The following TM9SF4 variants were observed in gnomAD, a reference collection of about 807,000 sequenced individuals.
The protein encoded by TM9SF4 is transmembrane 9 superfamily member 4, also known as dinucleotide oxidase disulfide thiol exchanger 3 superfamily member 4.
In TM9SF4, 26 loss-of-function variants were observed where a neutral mutation model predicts 90.4. That is an observed-to-expected ratio of 0.29 (90% confidence interval 0.21 to 0.40). TM9SF4 has a LOEUF of 0.40. Ranked by LOEUF, TM9SF4 falls within the 10% of genes least tolerant of loss-of-function variation. The probability of loss-of-function intolerance (pLI) is 1.00; values close to 1 mark genes in which losing one functional copy is unlikely to be tolerated. For synonymous variants in TM9SF4, 293 were observed against 315.4 expected (o/e 0.93, Z 0.75); for missense variants, 549 against 834.8 (o/e 0.66, Z 4.22).
At chr20:32,129,507 A>G (rs950523600) in intron 1 of TM9SF4, among the ~76,000 whole-genome samples, 1 of 151,836 alleles carries the variant, frequency 6.6e-6, no homozygotes, top group East Asian at 1.9e-4. Flanking sequence ...AAAGAAAAAC[A>G]TGTCATCACT....
chr20:32,121,935 C>G (rs1273289091), intron 1 of TM9SF4, among the ~76,000 whole-genome samples: 2 of 141,102 alleles, frequency 1.4e-5, no homozygotes, highest in Non-Finnish European at 1.6e-5. Context: ...GGGGGCTGAC[C>G]CCCCCCAGCT....
At chr20:32,141,694 C>G in intron 4 of TM9SF4, 29 bp downstream of exon 4, 1 of 1,613,462 alleles carries the variant, frequency 6.2e-7, no homozygotes, top group Non-Finnish European at 8.5e-7. Flanking sequence ...CTTGCTGCCT[C>G]AGGCTCACAC....
In TM9SF4 at chr20:32,145,103, A is replaced by T. The variant is rs765698735; in HGVS notation, c.665A>T (p.Asp222Val). The T allele has an allele frequency of 6.2e-7, 1 of 1,614,106 alleles. No individual in the cohort carries two copies. Among genetic ancestry groups the T allele is most frequent in the African/African-American group, 1.3e-5 (1 of 75,046 alleles). ...GTGTCTCTCTCAGACCTCAAAGCAG[A>T]TGAGAAGAGTTCGTGCACTCTGCCT... The part of the protein sequence containing the change: ...QSIRLEDLKA[D>V]EKSSCTLPEG... Residue 222 changes from aspartate to valine, a missense_variant, in exon 7 of 18, where the codon GAT becomes GTT. Coordinates refer to ENST00000398022, the MANE Select transcript of TM9SF4 (RefSeq NM_014742.4).
At chr20:32,156,942 C>CTCTTTTTT (rs2046932422) in intron 13 of TM9SF4, among the ~76,000 whole-genome samples, 1 of 103,502 alleles carries the variant, frequency 9.7e-6, no homozygotes, top group Non-Finnish European at 1.7e-5. Flanking sequence ...TGGACATTTT[C>CTCTTTTTT]TTTTTTTTTT....
Position 32,167,127 on chromosome 20 carries a change from A to G in TM9SF4, c.*1683A>G, listed in dbSNP as rs1311720026. On this transcript the variant is annotated 3_prime_UTR_variant, in exon 18 of 18. Coordinates refer to ENST00000398022, the MANE Select transcript of TM9SF4 (RefSeq NM_014742.4). ...TTTTTAGGGGGAATGGGAAACGGACACCTCATAAAGGGTTCAAAGATCATC... is the reference window on the plus strand; with the variant it reads ...TTTTTAGGGGGAATGGGAAACGGACGCCTCATAAAGGGTTCAAAGATCATC... 2.6e-5 allele frequency: 4 copies of G among 151,950 alleles called. No homozygotes were observed. The highest frequency in any genetic ancestry group is 2.6e-4 in the Admixed American group (4 of 15,248). The allele number at this position is 151,950 out of a possible 1,614,324, so 9.4% of individuals were successfully genotyped here.
In TM9SF4 at chr20:32,158,004, G is replaced by T. The variant is rs371362813; in HGVS notation, c.1505+35G>T. On this transcript the variant is annotated intron_variant, in intron 14 of 17. Transcript: ENST00000398022. Reference sequence around the variant, plus strand: ...CCAGCAGAGGCAAGAGCAGGGGAACGTGGAAGAGGGTACGCCCCCCTCCGC... The same window carrying T: ...CCAGCAGAGGCAAGAGCAGGGGAACTTGGAAGAGGGTACGCCCCCCTCCGC... 2.5e-6 allele frequency: 4 copies of T among 1,611,418 alleles called. No homozygotes were observed. The South Asian group carries it at 4.4e-5, about 18-fold the overall frequency.
intron 12 of TM9SF4, among the ~76,000 whole-genome samples, chr20:32,152,136 C>G (rs937878544): frequency 3.9e-5 from 6 of 151,914 alleles, no homozygotes; most frequent in Non-Finnish European, 7.4e-5. Flanking sequence ...TCCCAAAGTG[C>G]TGGGATTATA....
At chr20:32,116,856 CTTTT>C (rs1378348478) in intron 1 of TM9SF4, among the ~76,000 whole-genome samples, 1 of 99,978 alleles carries the variant, frequency 1.0e-5, no homozygotes, top group Non-Finnish European at 2.0e-5. Flanking sequence ...CTCCTTTTTC[CTTTT>C]TCTTTTTTTT....
At chr20:32,128,139 G>T (rs2046450844) in intron 1 of TM9SF4, among the ~76,000 whole-genome samples, 1 of 152,210 alleles carries the variant, frequency 6.6e-6, no homozygotes, top group African/African-American at 2.4e-5. Context: ...CAGCTGAGGG[G>T]AGGGTATAAC....
At chr20:32,112,626 G>A (rs1455955943) in intron 1 of TM9SF4, among the ~76,000 whole-genome samples, 1 of 151,412 alleles carries the variant, frequency 6.6e-6, no homozygotes, top group Non-Finnish European at 1.5e-5. Flanking sequence ...CCCGGGAGGC[G>A]GAGGCTACAG....
At chr20:32,115,619 GGGTTTGAAATCCTCTTATGCTT>G (rs1490313345) in intron 1 of TM9SF4, among the ~76,000 whole-genome samples, 1 of 151,990 alleles carries the variant, frequency 6.6e-6, no homozygotes, top group Middle Eastern at 3.2e-3. Context: ...AGACCTCCCA[GGGTTTGAAATCCTCTTATGCTT>G]GGTCTGAGAA....
intron 1 of TM9SF4, among the ~76,000 whole-genome samples, chr20:32,118,578 A>T (rs986071885): frequency 6.6e-6 from 1 of 151,378 alleles, no homozygotes; most frequent in East Asian, 1.9e-4. Flanking sequence ...TACTATGCCC[A>T]GCCTAAATGT....
chr20:32,113,440 A>G (rs1459715478), intron 1 of TM9SF4, among the ~76,000 whole-genome samples: 1 of 152,180 alleles, frequency 6.6e-6, no homozygotes, highest in Non-Finnish European at 1.5e-5. Context: ...GTTACAGGAT[A>G]CAGTGTTGAT....
At chr20:32,139,464 C>G (rs1259490018) in intron 3 of TM9SF4, among the ~76,000 whole-genome samples, 1 of 152,156 alleles carries the variant, frequency 6.6e-6, no homozygotes, top group East Asian at 1.9e-4. Context: ...CCTTGGAGCT[C>G]CTGAATCTGT....
chr20:32,116,862 CTTTTTTTTTTTTTT>C lies in TM9SF4; in HGVS notation c.15+7120_15+7133del, dbSNP rs201365030. On this transcript the variant is annotated intron_variant, in intron 1 of 17. Coordinates refer to ENST00000398022, the MANE Select transcript of TM9SF4 (RefSeq NM_014742.4). Reference sequence around the variant, plus strand: ...TTTTTTTTCCTCCTTTTTCCTTTTTCTTTTTTTTTTTTTTTTTTTTTTTTTTGCTTAATCTGAGG... The same window carrying C: ...TTTTTTTTCCTCCTTTTTCCTTTTTCTTTTTTTTTTTTGCTTAATCTGAGG... Among the ~76,000 whole-genome samples the C allele has an allele frequency of 3.1e-4, 30 of 95,882 alleles. No individual in the cohort carries two copies. In the Admixed American group the frequency reaches 3.5e-3, roughly 11 times the overall value. 62.9% of individuals were successfully genotyped at this position (95,882 alleles called of 152,430 possible).
intron 9 of TM9SF4, among the ~76,000 whole-genome samples, chr20:32,148,498 A>G (rs1200122503): frequency 1.3e-5 from 2 of 152,062 alleles, no homozygotes; most frequent in Non-Finnish European, 1.5e-5. Flanking sequence ...CAGGAGGATC[A>G]CTTGAGCCCA....
At chr20:32,157,990 A>C in intron 14 of TM9SF4, 21 bp downstream of exon 14, 1 of 1,613,494 alleles carries the variant, frequency 6.2e-7, no homozygotes, top group African/African-American at 1.3e-5. Flanking sequence ...CAGCAGAGGC[A>C]AGAGCAGGGG....
chr20:32,159,774 G>A, intron 15 of TM9SF4: 1 of 590,710 alleles, frequency 1.7e-6, no homozygotes, highest in East Asian at 2.8e-5. Context: ...TCAGGCTGGG[G>A]TCTACCCAGA....
rs150077225 is a variant in TM9SF4, at chr20:32,149,679, G to A, written c.1000G>A (p.Val334Ile). 4.0e-5 allele frequency: 64 copies of A among 1,614,102 alleles called. No individual in the cohort carries two copies. The highest frequency in any genetic ancestry group is 5.1e-5 in the Non-Finnish European group (60 of 1,180,058). ...TGGGTGGAAGTTGGTGCACGGCGAC[G>A]TCTTCAGGCCCCCCCAGTACCCCAT... ...ESGWKLVHGDVFRPPQYPMIL... is the reference protein window; with the variant it reads ...ESGWKLVHGDIFRPPQYPMIL... The change falls in exon 10 of 18, where the codon GTC becomes ATC. Residue 334 changes from valine (V) to isoleucine (I), a missense_variant. Coordinates refer to ENST00000398022, the MANE Select transcript of TM9SF4 (RefSeq NM_014742.4).
Sources: allele counts gnomAD v4.1 joint callset (sites outside exome capture counted in the v4.1 genomes callset), GRCh38; gene constraint gnomAD v4.1.1; transcripts MANE v1.5; gene names NCBI Gene and HGNC (gene_info 2026-07-23, HGNC 2026-07-21).